The following DCUN1D1 variants were observed in gnomAD, a reference collection of about 807,000 sequenced individuals.
DCUN1D1 encodes the protein DCN1-like protein 1.
DCUN1D1 carries 3 observed loss-of-function variants against 39.0 expected under a neutral mutation model. That is an observed-to-expected ratio of 0.08 (90% confidence interval 0.04 to 0.20). The LOEUF is 0.20. DCUN1D1 is among the 10% of genes least tolerant of loss of function. The pLI is 1.00. For missense variants in DCUN1D1, 158 were observed against 302.4 expected, an observed-to-expected ratio of 0.52 and a Z score of 3.54; for synonymous variants, 82 against 96.3, an observed-to-expected ratio of 0.85 and a Z score of 0.87.
intron 4 of DCUN1D1, among the ~76,000 whole-genome samples, chr3:182,952,615 GCACCACCCCCATCCC>G (rs959724286): frequency 7.2e-5 from 11 of 151,882 alleles, no homozygotes; most frequent in Admixed American, 1.3e-4. Context: ...CTTCTCATTA[GCACCACCCCCATCCC>G]CACCACCCTG....
At chr3:182,980,630 A>C, upstream of DCUN1D1, 1 of 1,009,078 alleles carries the variant, frequency 9.9e-7, no homozygotes, top group Non-Finnish European at 1.2e-6. Flanking sequence ...CCGAGGAGGC[A>C]GCCCCGGACC....
chr3:182,979,605 C>CG (rs1560185304), intron 1 of DCUN1D1, among the ~76,000 whole-genome samples: 2 of 146,660 alleles, frequency 1.4e-5, no homozygotes, highest in Non-Finnish European at 3.0e-5. Flanking sequence ...CTTTTTCCCC[C>CG]CCCCAAACAA....
chr3:182,974,762 T>TA (rs1209502479), intron 1 of DCUN1D1, among the ~76,000 whole-genome samples: 6 of 88,660 alleles, frequency 6.8e-5, no homozygotes, highest in Non-Finnish European at 1.0e-4. Flanking sequence ...ATAATAGACT[T>TA]TAAAAAAAAA....
chr3:182,949,861 A>G (rs1726618629), intron 4 of DCUN1D1, among the ~76,000 whole-genome samples: 1 of 152,224 alleles, frequency 6.6e-6, no homozygotes, highest in Non-Finnish European at 1.5e-5. Flanking sequence ...AGACTGAAAT[A>G]CACAGTAGGC....
rs1231979727 is a variant in DCUN1D1, at chr3:182,964,043, T to C, written c.227A>G (p.Gln76Arg). The C allele has an allele frequency of 4.3e-6, 7 of 1,610,082 alleles. No homozygotes were observed. The highest frequency in any genetic ancestry group is 1.7e-5 in the Admixed American group (1 of 59,330). The change falls in exon 3 of 7, where the codon CAA becomes CGA. Residue 76 changes from glutamine to arginine, a missense_variant. Coordinates refer to ENST00000292782, the MANE Select transcript of DCUN1D1 (RefSeq NM_020640.4). ...ATCTATTCCAATTTTATTCTCATCTTGAGGGTCTTTAAAAATAACAATGCA... is the reference window on the plus strand; with the variant it reads ...ATCTATTCCAATTTTATTCTCATCTCGAGGGTCTTTAAAAATAACAATGCA... ...EQLYNRYKDP[Q>R]DENKIGIDGI...
upstream of DCUN1D1, among the ~76,000 whole-genome samples, chr3:182,982,296 G>A (rs1020979948): frequency 6.6e-6 from 1 of 152,026 alleles, no homozygotes; most frequent in Non-Finnish European, 1.5e-5. Context: ...ATTCCTGAAC[G>A]TCCTTCTGTA....
At chr3:182,969,628 A>G (rs1727835847) in intron 1 of DCUN1D1, among the ~76,000 whole-genome samples, 1 of 152,356 alleles carries the variant, frequency 6.6e-6, no homozygotes, top group Non-Finnish European at 1.5e-5. Flanking sequence ...TATAATCTTC[A>G]GTATTCCAAT....
At chr3:182,952,913 C>A (rs1726831108) in intron 4 of DCUN1D1, among the ~76,000 whole-genome samples, 1 of 152,220 alleles carries the variant, frequency 6.6e-6, no homozygotes. Flanking sequence ...TTCAAAGGAC[C>A]ACAGTGCTTT....
intron 2 of DCUN1D1, 33 bp from the exon 3 acceptor site, chr3:182,964,082 G>T: frequency 6.5e-7 from 1 of 1,549,372 alleles, no homozygotes; most frequent in Admixed American, 1.7e-5. Flanking sequence ...TTAAAGTAGT[G>T]TCATATTATG....
At chr3:182,974,109 G>A (rs141756851) in intron 1 of DCUN1D1, among the ~76,000 whole-genome samples, 1,710 of 151,824 alleles carry the variant, frequency 0.011, 34 homozygotes, top group African/African-American at 0.039. Context: ...AAAATTAGCC[G>A]GGCATGGTGG....
At chr3:182,974,763 T>A (rs1160005586) in intron 1 of DCUN1D1, among the ~76,000 whole-genome samples, 7 of 147,210 alleles carry the variant, frequency 4.8e-5, no homozygotes, top group Non-Finnish European at 6.0e-5. Flanking sequence ...TAATAGACTT[T>A]AAAAAAAAAA....
Position 182,943,478 on chromosome 3 carries a change from A to C in DCUN1D1, c.*1616T>G, listed in dbSNP as rs1034540036. The C allele has an allele frequency of 1.3e-5, 2 of 152,570 alleles. No individual in the cohort carries two copies. Among genetic ancestry groups the C allele is most frequent in the African/African-American group, 4.8e-5 (2 of 41,454 alleles). 9.5% of individuals were successfully genotyped at this position (152,570 alleles called of 1,614,324 possible). On this transcript the variant is annotated 3_prime_UTR_variant, in exon 7 of 7. Transcript: ENST00000292782. ...AATATGTCTATAGGGAAAGCTTTCT[A>C]GTCTATTTCAAAATCATGTAAAAAG...
chr3:182,955,734 C>A (rs1276003013), intron 4 of DCUN1D1: 2 of 311,434 alleles, frequency 6.4e-6, no homozygotes, highest in Non-Finnish European at 1.3e-5. Flanking sequence ...GCACCCACCA[C>A]CACACCTGGC....
chr3:182,949,807 C>T (rs1726615058), intron 4 of DCUN1D1, among the ~76,000 whole-genome samples: 1 of 152,198 alleles, frequency 6.6e-6, no homozygotes, highest in Non-Finnish European at 1.5e-5. Context: ...AAGACTGACC[C>T]TTAACTTTCT....
At position 182,940,112 on chromosome 3, in the gene DCUN1D1, T is replaced by C. The variant is rs1047333601; in HGVS notation, c.*4982A>G. 6.6e-6 allele frequency: 1 copy of C among 152,168 alleles called. No individual in the cohort carries two copies. Among genetic ancestry groups the C allele is most frequent in the Non-Finnish European group, 1.5e-5 (1 of 68,026 alleles). 9.4% of individuals were successfully genotyped at this position (152,168 alleles called of 1,614,324 possible). On this transcript the variant is annotated 3_prime_UTR_variant, in exon 7 of 7. Coordinates refer to ENST00000292782, the MANE Select transcript of DCUN1D1 (RefSeq NM_020640.4). Reference sequence around the variant, plus strand: ...ATCACTGTTAACGATTTAATTAGCATTGTCCCTTAGCCATTTCATTAATTG... The same window carrying C: ...ATCACTGTTAACGATTTAATTAGCACTGTCCCTTAGCCATTTCATTAATTG...
chr3:182,975,857 A>AC (rs1405544935), intron 1 of DCUN1D1, among the ~76,000 whole-genome samples: 1 of 150,528 alleles, frequency 6.6e-6, no homozygotes, highest in African/African-American at 2.4e-5. Context: ...ATGCTAAAAA[A>AC]AAAAAAAAAA....
In DCUN1D1 at chr3:182,942,497, A is replaced by G. The variant is rs1304395190; in HGVS notation, c.*2597T>C. 2 of 151,884 alleles carry G rather than the reference A, an allele frequency of 1.3e-5. No homozygotes were observed. The highest frequency in any genetic ancestry group is 1.9e-4 in the East Asian group (1 of 5,190). The allele number at this position is 151,884 out of a possible 1,614,324, so 9.4% of individuals were successfully genotyped here. ...ATAATCTTCATCTCAAGTATTTTTT[A>G]TATGTGGGCACTTCTAATTTTATAC... On this transcript the variant is annotated 3_prime_UTR_variant, in exon 7 of 7. Transcript: ENST00000292782.
At position 182,947,234 on chromosome 3, in the gene DCUN1D1, T is replaced by C. The variant is rs749759768; in HGVS notation, c.700+4A>G. 1.1e-5 allele frequency: 18 copies of C among 1,573,202 alleles called. No homozygotes were observed. Among genetic ancestry groups the C allele is most frequent in the Non-Finnish European group, 1.6e-5 (18 of 1,160,418 alleles). ...AAAAGTGGTGTGGCAAAAATTTTCA[T>C]TACCTTCTTCATCATAATTAGACAT... On this transcript the variant is annotated splice_donor_region_variant and intron_variant, in intron 6 of 6. Transcript: ENST00000292782.
chr3:182,976,129 G>A (rs1341154842), intron 1 of DCUN1D1, among the ~76,000 whole-genome samples: 1 of 151,924 alleles, frequency 6.6e-6, no homozygotes, highest in Non-Finnish European at 1.5e-5. Flanking sequence ...AGTTTTTATT[G>A]AACATTAGAC....
Sources: gnomAD v4.1 joint callset for allele counts (sites outside exome capture counted in the v4.1 genomes callset) on GRCh38, gnomAD v4.1.1 for gene constraint, MANE v1.5 for transcripts, NCBI Gene and HGNC (gene_info 2026-07-23, HGNC 2026-07-21) for gene names.